The following RPRD2 variants were observed in gnomAD, a reference collection of about 807,000 sequenced individuals.
The protein encoded by RPRD2 is regulation of nuclear pre-mRNA domain containing 2, also known as regulation of nuclear pre-mRNA domain-containing protein 2.
A neutral mutation model predicts 104.4 loss-of-function variants in RPRD2; 12 were observed. The observed-to-expected ratio is 0.11, with a 90% CI of 0.07 to 0.19. The LOEUF (loss-of-function observed/expected upper bound fraction) is 0.19, where lower values mean the gene tolerates loss of function less well. Among genes scored for constraint, RPRD2 ranks in the 10% least tolerant of loss-of-function variants. RPRD2 has a pLI of 1.00. For synonymous variants in RPRD2, 714 were observed against 684.9 expected (o/e 1.04, Z -0.66); for missense variants, 1,543 against 1,790.1 (o/e 0.86, Z 2.49).
chr1:150,428,070 A>G (rs587647438), intron 2 of RPRD2, among the ~76,000 whole-genome samples: 2 of 152,322 alleles, frequency 1.3e-5, no homozygotes, highest in African/African-American at 4.8e-5. Context: ...ACATAAAACT[A>G]AAGTGGTACA....
chr1:150,448,938 T>C (rs1168998605), intron 7 of RPRD2, among the ~76,000 whole-genome samples: 4 of 152,280 alleles, frequency 2.6e-5, no homozygotes, highest in East Asian at 3.9e-4. Flanking sequence ...AAAAAGTGTT[T>C]GTGAGAGGGA....
chr1:150,473,404 T>C lies in RPRD2; in HGVS notation c.*70T>C, dbSNP rs1229823324. ...GAAGTAGGAGTTTGGTTTATTGTTG[T>C]TGTTTTTATTTGTTTTCTCTTTCTC... On this transcript the variant is annotated 3_prime_UTR_variant, in exon 11 of 11. Coordinates refer to ENST00000369068, the MANE Select transcript of RPRD2 (RefSeq NM_015203.5). The C allele has an allele frequency of 2.1e-6, 3 of 1,410,124 alleles. No individual in the cohort carries two copies. The African/African-American group carries it at 4.3e-5, about 20-fold the overall frequency. The allele number at this position is 1,410,124 out of a possible 1,614,324, so 87.4% of individuals were successfully genotyped here.
At chr1:150,449,524 T>C (rs1667014965) in intron 7 of RPRD2, among the ~76,000 whole-genome samples, 1 of 152,080 alleles carries the variant, frequency 6.6e-6, no homozygotes, top group South Asian at 2.1e-4. Flanking sequence ...TTGCATGTAC[T>C]CTCTCTTCCT....
chr1:150,445,842 G>A (rs587737698), intron 6 of RPRD2, among the ~76,000 whole-genome samples: 1 of 152,192 alleles, frequency 6.6e-6, no homozygotes, highest in African/African-American at 2.4e-5. Context: ...GCCCAGGCAG[G>A]CGGATCACGA....
intron 2 of RPRD2, among the ~76,000 whole-genome samples, chr1:150,418,150 G>C (rs1422015116): frequency 6.6e-6 from 1 of 152,064 alleles, no homozygotes; most frequent in Non-Finnish European, 1.5e-5. Flanking sequence ...TGTATTTTTA[G>C]TAGAGATGGG....
intron 1 of RPRD2, among the ~76,000 whole-genome samples, chr1:150,368,868 A>G (rs1260884234): frequency 4.6e-5 from 7 of 151,978 alleles, no homozygotes; most frequent in African/African-American, 1.7e-4. Context: ...TCAGCCTCCC[A>G]AAGTGTTGGA....
chr1:150,378,912 G>T (rs1254015076), intron 1 of RPRD2, among the ~76,000 whole-genome samples: 2 of 150,818 alleles, frequency 1.3e-5, no homozygotes, highest in Non-Finnish European at 2.9e-5. Context: ...GGACCCGGAG[G>T]TGGAAGTTGC....
intron 1 of RPRD2, among the ~76,000 whole-genome samples, chr1:150,398,604 T>C (rs587705001): frequency 1.3e-5 from 2 of 151,824 alleles, no homozygotes; most frequent in Admixed American, 1.3e-4. Context: ...AGTGCAGTGG[T>C]GTGAACTCGG....
At chr1:150,437,977 TA>T (rs35517552) in intron 2 of RPRD2, among the ~76,000 whole-genome samples, 12,428 of 129,564 alleles carry the variant, frequency 0.096, 637 homozygotes, top group African/African-American at 0.13. Context: ...TGTCATTATT[TA>T]AAAAAAAAAA....
intron 1 of RPRD2, among the ~76,000 whole-genome samples, chr1:150,413,877 A>C (rs587718447): frequency 6.6e-6 from 1 of 152,038 alleles, no homozygotes; most frequent in Non-Finnish European, 1.5e-5. Context: ...GTGAGCTGAG[A>C]TCATGCCATT....
At chr1:150,370,572 C>CTTTTTTTTTTTTTT in intron 1 of RPRD2, among the ~76,000 whole-genome samples, 1 of 109,750 alleles carries the variant, frequency 9.1e-6, no homozygotes, top group Non-Finnish European at 1.8e-5. Context: ...TCCATTTTGT[C>CTTTTTTTTTTTTTT]TTTTTTTTTT....
intron 8 of RPRD2, among the ~76,000 whole-genome samples, chr1:150,458,683 A>G (rs1466105561): frequency 6.6e-6 from 1 of 152,102 alleles, no homozygotes; most frequent in African/African-American, 2.4e-5. Flanking sequence ...TCTGTCGCCC[A>G]GGCTGGAGTG....
chr1:150,458,574 A>T (rs1560219309), intron 8 of RPRD2, among the ~76,000 whole-genome samples: 2 of 152,178 alleles, frequency 1.3e-5, no homozygotes, highest in African/African-American at 2.4e-5. Flanking sequence ...TGAAATGAAA[A>T]TATTTGGGAT....
intron 10 of RPRD2, among the ~76,000 whole-genome samples, chr1:150,466,154 G>A (rs1292921941): frequency 2.0e-5 from 3 of 151,916 alleles, no homozygotes; most frequent in East Asian, 1.9e-4. Flanking sequence ...TGAGGCAGGC[G>A]GATCATGAGT....
intron 1 of RPRD2, among the ~76,000 whole-genome samples, chr1:150,389,088 G>T (rs1479749588): frequency 2.0e-5 from 3 of 151,978 alleles, no homozygotes; most frequent in African/African-American, 7.3e-5. Flanking sequence ...CCAGGCTGGT[G>T]TGCAGTGGTA....
At chr1:150,462,834 C>T (rs587663117) in intron 9 of RPRD2, among the ~76,000 whole-genome samples, 50 of 152,228 alleles carry the variant, frequency 3.3e-4, no homozygotes, top group African/African-American at 1.1e-3. Context: ...GGATTACAGG[C>T]GTGAGCCACC....
chr1:150,414,819 A>G (rs1345252855), intron 1 of RPRD2, among the ~76,000 whole-genome samples: 6 of 152,168 alleles, frequency 3.9e-5, no homozygotes, highest in African/African-American at 1.4e-4. Context: ...AGTGGCTCCT[A>G]TAATTATGGA....
At chr1:150,428,807 T>A (rs976170376) in intron 2 of RPRD2, among the ~76,000 whole-genome samples, 2 of 152,164 alleles carry the variant, frequency 1.3e-5, no homozygotes, top group African/African-American at 4.8e-5. Context: ...TATGTAACTG[T>A]GACATCTGGA....
chr1:150,456,159 C>T (rs893361313), intron 7 of RPRD2, among the ~76,000 whole-genome samples: 1 of 152,042 alleles, frequency 6.6e-6, no homozygotes, highest in Admixed American at 6.6e-5. Flanking sequence ...AGCATCTGAC[C>T]TCCCAGGCTT....
Sources: allele counts gnomAD v4.1 joint callset (sites outside exome capture counted in the v4.1 genomes callset), GRCh38; gene constraint gnomAD v4.1.1; transcripts MANE v1.5; gene names NCBI Gene and HGNC (gene_info 2026-07-23, HGNC 2026-07-21).